LHFPL3: variants seen among roughly 807,000 people sequenced by gnomAD.
LHFPL3 encodes the protein LHFPL tetraspan subfamily member 3 protein.
A neutral mutation model predicts 19.3 loss-of-function variants in LHFPL3; 5 were observed. That is an observed-to-expected ratio of 0.26 (90% CI 0.14 to 0.54). The LOEUF (loss-of-function observed/expected upper bound fraction) is 0.54. Ranked by LOEUF, LHFPL3 falls within the 20% of genes least tolerant of loss-of-function variation. LHFPL3 has a pLI of 0.94. For synonymous variants in LHFPL3, 133 were observed against 126.2 expected, an observed-to-expected ratio of 1.05 and a Z score of -0.36; for missense variants, 249 against 307.4, an observed-to-expected ratio of 0.81 and a Z score of 1.42.
intron 2 of LHFPL3, among the ~76,000 whole-genome samples, chr7:104,879,866 T>G (rs184480917): frequency 6.6e-6 from 1 of 152,324 alleles, no homozygotes; most frequent in Admixed American, 6.5e-5. Context: ...CATGTAGCAC[T>G]TTCACAGCTA....
chr7:104,395,001 T>A (rs908611094), intron 1 of LHFPL3, among the ~76,000 whole-genome samples: 1 of 152,002 alleles, frequency 6.6e-6, no homozygotes, highest in Admixed American at 6.6e-5. Flanking sequence ...GCCAGGCTGC[T>A]AGTCGTCATT....
intron 2 of LHFPL3, among the ~76,000 whole-genome samples, chr7:104,890,231 A>G (rs990192377): frequency 6.6e-5 from 10 of 152,152 alleles, no homozygotes; most frequent in African/African-American, 2.4e-4. Flanking sequence ...TGAGCCCAGG[A>G]TTTTAAGGCT....
chr7:104,470,692 G>C (rs991859611), intron 1 of LHFPL3, among the ~76,000 whole-genome samples: 1 of 152,152 alleles, frequency 6.6e-6, no homozygotes, highest in Admixed American at 6.5e-5. Flanking sequence ...CAGGTAGTAA[G>C]GGCCCAATAG....
chr7:104,439,712 C>A (rs1239627633), intron 1 of LHFPL3, among the ~76,000 whole-genome samples: 3 of 152,062 alleles, frequency 2.0e-5, no homozygotes, highest in African/African-American at 7.2e-5. Context: ...TAAACAGCAT[C>A]TTCAAAAAAC....
intron 1 of LHFPL3, among the ~76,000 whole-genome samples, chr7:104,523,472 G>A (rs956702862): frequency 2.6e-5 from 4 of 152,144 alleles, no homozygotes; most frequent in African/African-American, 9.7e-5. Flanking sequence ...AATATATGAA[G>A]TAAAATACAA....
At position 104,581,111 on chromosome 7, in the gene LHFPL3, C is replaced by A. The variant is rs550697709; in HGVS notation, c.446-155564C>A. Among the ~76,000 whole-genome samples, 63 of 151,984 alleles carry A rather than the reference C, an allele frequency of 4.1e-4. No homozygotes were observed. In the South Asian group the frequency reaches 7.1e-3, roughly 17 times the overall value. On this transcript the variant is annotated intron_variant, in intron 1 of 2. Transcript: ENST00000424859. ...TATAAGAAACTTCTAGAATGTCTTC[C>A]AAAGTGATTGATCCATTTTTACACT...
intron 1 of LHFPL3, among the ~76,000 whole-genome samples, chr7:104,732,843 C>T (rs2116287414): frequency 6.6e-6 from 1 of 152,278 alleles, no homozygotes; most frequent in South Asian, 2.1e-4. Context: ...ATCTTTCCTG[C>T]TTTCTCTTGT....
chr7:104,528,073 T>A (rs1220805121), intron 1 of LHFPL3, among the ~76,000 whole-genome samples: 5 of 152,204 alleles, frequency 3.3e-5, no homozygotes, highest in Non-Finnish European at 7.3e-5. Flanking sequence ...GAGATTCATG[T>A]GGAAGGCGAA....
At chr7:104,715,299 G>A (rs1009557127) in intron 1 of LHFPL3, among the ~76,000 whole-genome samples, 1 of 152,214 alleles carries the variant, frequency 6.6e-6, no homozygotes, top group Non-Finnish European at 1.5e-5. Flanking sequence ...GGAGTTCAGA[G>A]AAGCATTCAT....
intron 1 of LHFPL3, among the ~76,000 whole-genome samples, chr7:104,546,293 T>G (rs1794577388): frequency 6.6e-6 from 1 of 152,200 alleles, no homozygotes. Context: ...TTGTAAATTC[T>G]AGTGGAAATA....
chr7:104,887,622 G>A (rs1010036736), intron 2 of LHFPL3, among the ~76,000 whole-genome samples: 1 of 152,232 alleles, frequency 6.6e-6, no homozygotes, highest in Non-Finnish European at 1.5e-5. Context: ...CCAGCAAAAA[G>A]ACGCAGAGGC....
intron 1 of LHFPL3, among the ~76,000 whole-genome samples, chr7:104,598,307 A>G (rs778172665): frequency 6.6e-6 from 1 of 152,240 alleles, no homozygotes; most frequent in Non-Finnish European, 1.5e-5. Context: ...AAGGGGCACC[A>G]AAACTATTGT....
At chr7:104,722,158 T>A (rs1028382263) in intron 1 of LHFPL3, among the ~76,000 whole-genome samples, 2 of 152,180 alleles carry the variant, frequency 1.3e-5, no homozygotes, top group Non-Finnish European at 2.9e-5. Context: ...AAAAGGTGTT[T>A]CTCCATCAAC....
intron 2 of LHFPL3, among the ~76,000 whole-genome samples, chr7:104,744,815 CT>C (rs1364056367): frequency 6.6e-6 from 1 of 152,196 alleles, no homozygotes; most frequent in Admixed American, 6.5e-5. Context: ...GCCTAATTTT[CT>C]TTCTGGGCTC....
At chr7:104,389,683 G>T (rs1236565174) in intron 1 of LHFPL3, among the ~76,000 whole-genome samples, 2 of 152,124 alleles carry the variant, frequency 1.3e-5, no homozygotes, top group Non-Finnish European at 2.9e-5. Flanking sequence ...CAAGGAATAG[G>T]ATTGAGAGTC....
chr7:104,472,272 G>A (rs1026851007), intron 1 of LHFPL3, among the ~76,000 whole-genome samples: 11 of 151,736 alleles, frequency 7.2e-5, no homozygotes, highest in African/African-American at 2.4e-4. Flanking sequence ...TCATGCCACC[G>A]ATGAGTTTTC....
intron 1 of LHFPL3, among the ~76,000 whole-genome samples, chr7:104,552,874 T>G (rs1794689010): frequency 6.6e-6 from 1 of 152,206 alleles, no homozygotes; most frequent in African/African-American, 2.4e-5. Flanking sequence ...ATTAAGCTCA[T>G]GGGTGCAGAC....
chr7:104,847,349 A>G (rs1392784423), intron 2 of LHFPL3, among the ~76,000 whole-genome samples: 1 of 152,238 alleles, frequency 6.6e-6, no homozygotes, highest in South Asian at 2.1e-4. Context: ...TCAAAAGCCA[A>G]TAAGGCAAGA....
intron 1 of LHFPL3, among the ~76,000 whole-genome samples, chr7:104,734,671 C>T (rs972632004): frequency 6.6e-6 from 1 of 152,190 alleles, no homozygotes; most frequent in Non-Finnish European, 1.5e-5. Flanking sequence ...CAAACTTCCT[C>T]TTTAGCTCGG....
Sources: gnomAD v4.1 joint callset for allele counts (sites outside exome capture counted in the v4.1 genomes callset) on GRCh38, gnomAD v4.1.1 for gene constraint, MANE v1.5 for transcripts, NCBI Gene and HGNC (gene_info 2026-07-23, HGNC 2026-07-21) for gene names.